SHROOM3: variants seen among roughly 807,000 people sequenced by gnomAD.
SHROOM3 encodes the protein protein Shroom3.
A neutral mutation model predicts 138.6 loss-of-function variants in SHROOM3; 47 were observed. The ratio of observed to expected loss-of-function variants is 0.34; its 90% CI spans 0.27 to 0.43. The LOEUF (loss-of-function observed/expected upper bound fraction) is 0.43, where lower values mean the gene tolerates loss of function less well. SHROOM3 is among the 20% of genes least tolerant of loss of function. The pLI, the probability that SHROOM3 is intolerant of heterozygous loss-of-function variation, is 1.00. For missense variants in SHROOM3, 2,491 were observed against 2,596.5 expected (o/e 0.96, Z 0.88); for synonymous variants, 1,062 against 1,063.3 (o/e 1.00, Z 0.02).
At chr4:76,459,806 G>A (rs1313371341) in intron 1 of SHROOM3, among the ~76,000 whole-genome samples, 2 of 152,190 alleles carry the variant, frequency 1.3e-5, no homozygotes, top group African/African-American at 4.8e-5. Context: ...TCTCTGAGAA[G>A]CAGCGAGAGT....
chr4:76,531,581 C>T lies in SHROOM3; in HGVS notation c.169-24028C>T, dbSNP rs145283380. Among the ~76,000 whole-genome samples the T allele has an allele frequency of 1.6e-4, 24 of 152,234 alleles. No individual in the cohort carries two copies. In the East Asian group the frequency reaches 3.7e-3, roughly 23 times the overall value. On this transcript the variant is annotated intron_variant, in intron 1 of 10. Transcript: ENST00000296043. ...ATCATCATCATCTCAGTTTCTTCAT[C>T]TGTCAGTCATAATTGTATTTTTCTC...
At chr4:76,602,125 C>T (rs561916495) in intron 2 of SHROOM3, among the ~76,000 whole-genome samples, 1 of 152,316 alleles carries the variant, frequency 6.6e-6, no homozygotes, top group South Asian at 2.1e-4. Flanking sequence ...GTGAAGCCAT[C>T]CAGGAGCAAT....
intron 2 of SHROOM3, among the ~76,000 whole-genome samples, chr4:76,659,017 T>A (rs750518798): frequency 7.9e-5 from 10 of 126,900 alleles, no homozygotes; most frequent in Non-Finnish European, 1.6e-4. Flanking sequence ...AAAACACTGT[T>A]ATGATTAAAC....
intron 2 of SHROOM3, among the ~76,000 whole-genome samples, chr4:76,679,359 C>T (rs1210030190): frequency 1.3e-5 from 2 of 152,154 alleles, no homozygotes; most frequent in East Asian, 1.9e-4. Flanking sequence ...ATCTCCTACA[C>T]TGTTTCCCTG....
chr4:76,657,791 C>G (rs1484298793), intron 2 of SHROOM3, among the ~76,000 whole-genome samples: 2 of 152,186 alleles, frequency 1.3e-5, no homozygotes, highest in African/African-American at 4.8e-5. Context: ...TCTCCGGGCC[C>G]AAGTAAGACA....
chr4:76,667,694 C>G (rs905475823), intron 2 of SHROOM3, among the ~76,000 whole-genome samples: 1 of 151,584 alleles, frequency 6.6e-6, no homozygotes, highest in East Asian at 2.0e-4. Context: ...GTTGCTTGGG[C>G]GCGGTGGCTC....
chr4:76,573,102 A>AAAGAAAG (rs1733864342), intron 2 of SHROOM3, among the ~76,000 whole-genome samples: 1 of 151,844 alleles, frequency 6.6e-6, no homozygotes, highest in Admixed American at 6.6e-5. Flanking sequence ...AAAAAAGAAA[A>AAAGAAAG]AAGAAAGAAA....
chr4:76,642,399 A>G (rs1735696432), intron 2 of SHROOM3, among the ~76,000 whole-genome samples: 1 of 152,186 alleles, frequency 6.6e-6, no homozygotes, highest in Non-Finnish European at 1.5e-5. Context: ...AAGGAATTCA[A>G]AATAGACGTG....
chr4:76,562,447 C>G (rs1184526617), intron 2 of SHROOM3, among the ~76,000 whole-genome samples: 1 of 152,124 alleles, frequency 6.6e-6, no homozygotes, highest in Admixed American at 6.5e-5. Flanking sequence ...GATTGAATTG[C>G]AAGACTGTAA....
chr4:76,574,572 T>C (rs570183964), intron 2 of SHROOM3, among the ~76,000 whole-genome samples: 1 of 152,338 alleles, frequency 6.6e-6, no homozygotes, highest in Admixed American at 6.5e-5. Flanking sequence ...TACTCCCTCT[T>C]AATCTAATTG....
intron 2 of SHROOM3, among the ~76,000 whole-genome samples, chr4:76,558,183 G>A (rs1274108258): frequency 2.6e-5 from 4 of 152,180 alleles, no homozygotes; most frequent in Non-Finnish European, 5.9e-5. Flanking sequence ...CTTCTGGTAG[G>A]CCTTCTAATA....
intron 1 of SHROOM3, among the ~76,000 whole-genome samples, chr4:76,543,670 C>T (rs1024263112): frequency 4.6e-5 from 7 of 152,176 alleles, no homozygotes; most frequent in African/African-American, 1.7e-4. Flanking sequence ...TTATCAGTCA[C>T]CATGCCAGAG....
At chr4:76,530,505 G>A (rs912134763) in intron 1 of SHROOM3, among the ~76,000 whole-genome samples, 1 of 152,040 alleles carries the variant, frequency 6.6e-6, no homozygotes, top group East Asian at 1.9e-4. Flanking sequence ...CATTGAAATG[G>A]GTTGGAGTTC....
chr4:76,448,026 A>G (rs1730848505), intron 1 of SHROOM3, among the ~76,000 whole-genome samples: 1 of 152,186 alleles, frequency 6.6e-6, no homozygotes, highest in Non-Finnish European at 1.5e-5. Flanking sequence ...ATTCCATGGT[A>G]TAAAAAAGAA....
intron 2 of SHROOM3, among the ~76,000 whole-genome samples, chr4:76,677,815 T>C (rs1719083212): frequency 6.6e-6 from 1 of 152,178 alleles, no homozygotes; most frequent in Admixed American, 6.5e-5. Context: ...GGCATAATAC[T>C]CACATCCGGC....
chr4:76,707,786 CT>C (rs987465043), intron 2 of SHROOM3, among the ~76,000 whole-genome samples: 3 of 150,976 alleles, frequency 2.0e-5, no homozygotes, highest in South Asian at 4.2e-4. Context: ...GGTTTTTTTT[CT>C]TTTTTTTTAA....
At chr4:76,717,473 C>T (rs575635072) in intron 3 of SHROOM3, among the ~76,000 whole-genome samples, 1 of 152,142 alleles carries the variant, frequency 6.6e-6, no homozygotes, top group African/African-American at 2.4e-5. Flanking sequence ...ATTTCCATTA[C>T]GTCTATGTTA....
chr4:76,630,517 G>C (rs192399127), intron 2 of SHROOM3, among the ~76,000 whole-genome samples: 85 of 152,328 alleles, frequency 5.6e-4, no homozygotes, highest in African/African-American at 1.9e-3. Flanking sequence ...GCCCTTTGAA[G>C]GGAGAGTCGG....
At chr4:76,718,830 T>C (rs1167148074) in intron 3 of SHROOM3, among the ~76,000 whole-genome samples, 1 of 152,244 alleles carries the variant, frequency 6.6e-6, no homozygotes, top group Non-Finnish European at 1.5e-5. Context: ...TTCATTTGTT[T>C]TGAGGAGTGC....
Sources: gnomAD v4.1 joint callset for allele counts (sites outside exome capture counted in the v4.1 genomes callset) on GRCh38, gnomAD v4.1.1 for gene constraint, MANE v1.5 for transcripts, NCBI Gene and HGNC (gene_info 2026-07-23, HGNC 2026-07-21) for gene names.